The following PDGFC variants were observed in gnomAD, a reference collection of about 807,000 sequenced individuals.
PDGFC encodes the protein platelet-derived growth factor C.
A neutral mutation model predicts 35.5 loss-of-function variants in PDGFC; 12 were observed. The ratio of observed to expected loss-of-function variants is 0.34; its 90% CI spans 0.22 to 0.55. The LOEUF is 0.55. PDGFC is among the 20% of genes least tolerant of loss of function. The probability of loss-of-function intolerance (pLI) is 0.91; values close to 1 mark genes in which losing one functional copy is unlikely to be tolerated. For missense variants in PDGFC, 322 were observed against 412.4 expected (o/e 0.78, Z 1.90); for synonymous variants, 159 against 148.8 (o/e 1.07, Z -0.50).
At chr4:156,775,809 C>A (rs1730813062) in intron 3 of PDGFC, among the ~76,000 whole-genome samples, 1 of 152,154 alleles carries the variant, frequency 6.6e-6, no homozygotes, top group South Asian at 2.1e-4. Flanking sequence ...TGTTACAAAT[C>A]TCTAAGCTTC....
chr4:156,850,186 G>GT, intron 2 of PDGFC, 35 bp downstream of exon 2: 1 of 1,119,156 alleles, frequency 8.9e-7, no homozygotes, highest in Admixed American at 2.5e-5. Context: ...TTTAACAGTT[G>GT]TTACATTGTT....
intron 2 of PDGFC, among the ~76,000 whole-genome samples, chr4:156,835,597 C>T (rs1358160538): frequency 6.6e-6 from 1 of 152,070 alleles, no homozygotes; most frequent in Non-Finnish European, 1.5e-5. Flanking sequence ...AACCCAATAA[C>T]CCAATCTCAC....
intron 1 of PDGFC, among the ~76,000 whole-genome samples, chr4:156,901,059 G>A (rs1265100778): frequency 6.6e-6 from 1 of 152,162 alleles, no homozygotes; most frequent in Non-Finnish European, 1.5e-5. Flanking sequence ...ACCATACTCA[G>A]CAAAAGAGCT....
chr4:156,970,960 C>A lies in PDGFC; in HGVS notation c.-57G>T. The A allele has an allele frequency of 1.8e-6, 2 of 1,129,490 alleles. No homozygotes were observed. Among genetic ancestry groups the A allele is most frequent in the African/African-American group, 1.5e-5 (1 of 65,884 alleles). 70.0% of individuals were successfully genotyped at this position (1,129,490 alleles called of 1,614,324 possible). On this transcript the variant is annotated 5_prime_UTR_variant, in exon 1 of 6. Transcript: ENST00000502773. ...CGGGCACTTTGGAAGCAGCGACTCCCGAGTCTCTTTCACCACCGCCAGGGG... is the reference window on the plus strand; with the variant it reads ...CGGGCACTTTGGAAGCAGCGACTCCAGAGTCTCTTTCACCACCGCCAGGGG...
At chr4:156,828,502 G>A (rs565723194) in intron 2 of PDGFC, among the ~76,000 whole-genome samples, 5 of 152,194 alleles carry the variant, frequency 3.3e-5, no homozygotes, top group African/African-American at 1.2e-4. Context: ...CTAATTTAAG[G>A]TACAAGAATG....
intron 2 of PDGFC, among the ~76,000 whole-genome samples, chr4:156,822,276 G>A (rs568575418): frequency 4.0e-5 from 6 of 149,678 alleles, no homozygotes; most frequent in African/African-American, 7.4e-5. Context: ...GGAGAATGGC[G>A]TGAACCCGGG....
chr4:156,814,554 A>G (rs2110956441), intron 2 of PDGFC, among the ~76,000 whole-genome samples: 1 of 152,216 alleles, frequency 6.6e-6, no homozygotes, highest in African/African-American at 2.4e-5. Flanking sequence ...TGTGTACAAA[A>G]TTTTCTTGAG....
intron 2 of PDGFC, among the ~76,000 whole-genome samples, chr4:156,826,604 A>G (rs1309125522): frequency 6.6e-6 from 1 of 152,200 alleles, no homozygotes; most frequent in East Asian, 1.9e-4. Context: ...AGGATTTACT[A>G]TAGGTTAGAT....
intron 1 of PDGFC, among the ~76,000 whole-genome samples, chr4:156,854,214 AT>A (rs1163914346): frequency 2.0e-5 from 3 of 152,050 alleles, no homozygotes; most frequent in African/African-American, 4.8e-5. Flanking sequence ...CATCTACCCT[AT>A]TTTGCTTCAA....
chr4:156,903,102 AGAGT>A (rs1045945964), intron 1 of PDGFC, among the ~76,000 whole-genome samples: 7 of 88,294 alleles, frequency 7.9e-5, no homozygotes, highest in African/African-American at 3.9e-4. Context: ...AGAGAGAGAG[AGAGT>A]GTGTGTGTGT....
chr4:156,880,439 A>G (rs1216428202), intron 1 of PDGFC, among the ~76,000 whole-genome samples: 1 of 152,156 alleles, frequency 6.6e-6, no homozygotes, highest in African/African-American at 2.4e-5. Flanking sequence ...CACTACTCAG[A>G]AAGAAAAAAA....
At chr4:156,782,778 G>T (rs1731017914) in intron 3 of PDGFC, among the ~76,000 whole-genome samples, 1 of 152,106 alleles carries the variant, frequency 6.6e-6, no homozygotes, top group African/African-American at 2.4e-5. Flanking sequence ...AAACACACCT[G>T]AAAAGGCTTC....
intron 1 of PDGFC, among the ~76,000 whole-genome samples, chr4:156,862,091 G>A (rs1729726804): frequency 6.6e-6 from 1 of 152,160 alleles, no homozygotes; most frequent in South Asian, 2.1e-4. Flanking sequence ...TCATTTGCTA[G>A]TGTAAAAATT....
At chr4:156,843,749 C>T (rs1443439637) in intron 2 of PDGFC, among the ~76,000 whole-genome samples, 1 of 152,138 alleles carries the variant, frequency 6.6e-6, no homozygotes, top group Non-Finnish European at 1.5e-5. Context: ...AGAACCAAAA[C>T]CAGCTTGGAC....
intron 1 of PDGFC, among the ~76,000 whole-genome samples, chr4:156,853,057 T>G (rs1409732474): frequency 6.6e-6 from 1 of 152,202 alleles, no homozygotes; most frequent in Non-Finnish European, 1.5e-5. Flanking sequence ...CTGACAGAAC[T>G]GAAGTTGATA....
intron 1 of PDGFC, among the ~76,000 whole-genome samples, chr4:156,958,662 A>G (rs1732268436): frequency 6.6e-6 from 1 of 152,072 alleles, no homozygotes; most frequent in African/African-American, 2.4e-5. Context: ...GTTTATTTCT[A>G]GCTCCCATTG....
intron 1 of PDGFC, among the ~76,000 whole-genome samples, chr4:156,954,385 C>T (rs749343762): frequency 5.3e-4 from 80 of 152,042 alleles, no homozygotes; most frequent in Middle Eastern, 3.4e-3. Context: ...TGGGATAAAT[C>T]ACAGTTGTCA....
intron 1 of PDGFC, among the ~76,000 whole-genome samples, chr4:156,956,578 A>G (rs1027895415): frequency 2.0e-5 from 3 of 152,064 alleles, no homozygotes; most frequent in Non-Finnish European, 4.4e-5. Context: ...CCTGAGTCAT[A>G]GAAGGAAGAA....
At chr4:156,786,735 C>A (rs954143040) in intron 3 of PDGFC, among the ~76,000 whole-genome samples, 1 of 151,900 alleles carries the variant, frequency 6.6e-6, no homozygotes, top group Non-Finnish European at 1.5e-5. Context: ...TAAGTATGGC[C>A]CCAAAATTAT....
Sources: gnomAD v4.1 joint callset for allele counts (sites outside exome capture counted in the v4.1 genomes callset) on GRCh38, gnomAD v4.1.1 for gene constraint, MANE v1.5 for transcripts, NCBI Gene and HGNC (gene_info 2026-07-23, HGNC 2026-07-21) for gene names.